Variants in SMURF2 observed in about 807,000 individuals in gnomAD.
SMURF2 encodes E3 ubiquitin-protein ligase SMURF2.
Under a neutral mutation model 109.6 loss-of-function variants are expected in SMURF2, and 48 were observed. The observed-to-expected ratio is 0.44, with a 90% CI of 0.35 to 0.56. The LOEUF is 0.56. Among genes scored for constraint, SMURF2 ranks in the 20% least tolerant of loss-of-function variants. The pLI is 0.01. For synonymous variants in SMURF2, 288 were observed against 317.1 expected (o/e 0.91, Z 0.97); for missense variants, 575 against 909.0 (o/e 0.63, Z 4.72).
chr17:64,608,194 T>C lies in SMURF2; in HGVS notation c.53-1554A>G, dbSNP rs115534418. ...TATTTCTATCCACTTCTACTAACAG[T>C]TTAAATGAATTACAGTTATTGGAAG... On this transcript the variant is annotated intron_variant, in intron 1 of 18. Transcript: ENST00000262435. 7.1e-3 allele frequency among the ~76,000 whole-genome samples: 1,083 copies of C among 152,104 alleles called. 15 individuals carry two copies. The highest frequency in any genetic ancestry group is 0.024 in the African/African-American group (993 of 41,504).
At chr17:64,599,058 C>G (rs565175947) in intron 2 of SMURF2, among the ~76,000 whole-genome samples, 1 of 152,230 alleles carries the variant, frequency 6.6e-6, no homozygotes, top group Non-Finnish European at 1.5e-5. Flanking sequence ...AAAACAAAAC[C>G]AAAAATACCT....
intron 12 of SMURF2, among the ~76,000 whole-genome samples, 200 bp downstream of exon 12, chr17:64,561,300 C>T (rs1329266879): frequency 1.3e-5 from 2 of 152,164 alleles, no homozygotes; most frequent in East Asian, 1.9e-4. Context: ...AGATGGTCTA[C>T]TGGGGAGTTC....
chr17:64,653,020 T>A (rs1970659748), intron 1 of SMURF2, among the ~76,000 whole-genome samples: 1 of 151,082 alleles, frequency 6.6e-6, no homozygotes, highest in African/African-American at 2.4e-5. Context: ...GACTTAGGAC[T>A]CAAAAAACAT....
chr17:64,579,274 T>TG (rs1367168237), intron 8 of SMURF2, among the ~76,000 whole-genome samples: 2 of 151,610 alleles, frequency 1.3e-5, no homozygotes, highest in Non-Finnish European at 2.9e-5. Flanking sequence ...TTCTTTATGG[T>TG]GGGTTTTGTT....
intron 1 of SMURF2, among the ~76,000 whole-genome samples, chr17:64,647,622 G>A (rs540278019): frequency 3.4e-4 from 52 of 151,672 alleles, no homozygotes; most frequent in Admixed American, 6.6e-4. Flanking sequence ...GGGAGGTTGC[G>A]GTGAGCCGAG....
At position 64,543,763 on chromosome 17, in the gene SMURF2, T is replaced by C. The variant is rs1968908760; in HGVS notation, c.*2085A>G. ...CTTTTTTACTGAAAGATTTTAAAAGTAGGCACAATTATAAACTGCACTAGT... is the reference window on the plus strand; with the variant it reads ...CTTTTTTACTGAAAGATTTTAAAAGCAGGCACAATTATAAACTGCACTAGT... On this transcript the variant is annotated 3_prime_UTR_variant, in exon 19 of 19. Transcript: ENST00000262435. 6.6e-6 allele frequency: 1 copy of C among 152,192 alleles called. No individual in the cohort carries two copies. The highest frequency in any genetic ancestry group is 1.5e-5 in the Non-Finnish European group (1 of 68,032). The allele number at this position is 152,192 out of a possible 1,614,324, so 9.4% of individuals were successfully genotyped here.
intron 15 of SMURF2, 100 bp from the exon 16 acceptor site, chr17:64,551,804 A>G (rs1435972262): frequency 1.4e-6 from 2 of 1,435,006 alleles, no homozygotes; most frequent in African/African-American, 2.8e-5. Context: ...TCTTACAAGC[A>G]TCTAACATTA....
intron 1 of SMURF2, among the ~76,000 whole-genome samples, chr17:64,656,023 G>C (rs1298988181): frequency 6.6e-6 from 1 of 152,198 alleles, no homozygotes; most frequent in African/African-American, 2.4e-5. Flanking sequence ...CTACATCACT[G>C]TGGAAAGGAA....
intron 17 of SMURF2, 60 bp from the exon 18 acceptor site, chr17:64,546,398 C>T: frequency 1.4e-6 from 2 of 1,470,754 alleles, no homozygotes; most frequent in South Asian, 2.3e-5. Flanking sequence ...TCTCCAAAAT[C>T]TTAAGAATAA....
intron 1 of SMURF2, among the ~76,000 whole-genome samples, chr17:64,615,464 T>C (rs1353238166): frequency 6.6e-6 from 1 of 152,236 alleles, no homozygotes; most frequent in Non-Finnish European, 1.5e-5. Context: ...GGTGGCCCAG[T>C]GCTTCAGAAG....
At chr17:64,569,300 TA>T (rs369705258) in intron 10 of SMURF2, among the ~76,000 whole-genome samples, 8,338 of 141,456 alleles carry the variant, frequency 0.059, 312 homozygotes, top group Admixed American at 0.14. Flanking sequence ...AAACTCCATC[TA>T]AAAAAAAAAA....
chr17:64,560,022 G>A (rs1969189342), intron 12 of SMURF2, among the ~76,000 whole-genome samples: 1 of 151,628 alleles, frequency 6.6e-6, no homozygotes, highest in South Asian at 2.1e-4. Flanking sequence ...AAAGTGCTGG[G>A]ATTACAGGTG....
intron 1 of SMURF2, among the ~76,000 whole-genome samples, chr17:64,620,983 C>T (rs1467796237): frequency 1.3e-5 from 2 of 152,114 alleles, no homozygotes; most frequent in African/African-American, 4.8e-5. Flanking sequence ...TCTGCGTACC[C>T]ATTCCTTAGG....
intron 3 of SMURF2, among the ~76,000 whole-genome samples, chr17:64,593,793 G>A (rs1969780480): frequency 6.6e-6 from 1 of 151,996 alleles, no homozygotes; most frequent in Non-Finnish European, 1.5e-5. Context: ...TCTCAAGCTG[G>A]GCTATAATTC....
Position 64,551,696 on chromosome 17 carries a change from A to G in SMURF2, c.1757T>C (p.Val586Ala), listed in dbSNP as rs1555683630. Residue 586 changes from valine (V) to alanine (A), a missense_variant, in exon 16 of 19, where the codon GTG becomes GCG. Physicochemically the swap from Val to Ala is moderately conservative, Grantham distance 64. Transcript: ENST00000262435. ...ENKKEYVRLY[V>A]NWRFLRGIEA... ...AATGCCTCGTAAAAATCTCCAGTTCACATAGAGCCTGTAAACATTCGGCAG... is the reference window on the plus strand; with the variant it reads ...AATGCCTCGTAAAAATCTCCAGTTCGCATAGAGCCTGTAAACATTCGGCAG... The G allele has an allele frequency of 6.2e-7, 1 of 1,613,976 alleles. No individual in the cohort carries two copies. The highest frequency in any genetic ancestry group is 2.2e-5 in the East Asian group (1 of 44,852).
At chr17:64,608,001 A>T (rs1236979688) in intron 1 of SMURF2, among the ~76,000 whole-genome samples, 1 of 105,216 alleles carries the variant, frequency 9.5e-6, no homozygotes, top group African/African-American at 4.5e-5. Context: ...TCTGTCATAA[A>T]TAAATAAATA....
chr17:64,559,077 T>C (rs1313743728), intron 12 of SMURF2, among the ~76,000 whole-genome samples: 2 of 152,198 alleles, frequency 1.3e-5, no homozygotes, highest in African/African-American at 4.8e-5. Context: ...ATAAGCAGCC[T>C]TCCCAACATA....
At chr17:64,565,368 G>T (rs1168458095) in intron 10 of SMURF2, among the ~76,000 whole-genome samples, 2 of 152,172 alleles carry the variant, frequency 1.3e-5, no homozygotes, top group Non-Finnish European at 2.9e-5. Flanking sequence ...GGGGGTGCTG[G>T]TCTATCCTTT....
At chr17:64,620,720 T>C (rs551381570) in intron 1 of SMURF2, among the ~76,000 whole-genome samples, 1 of 152,340 alleles carries the variant, frequency 6.6e-6, no homozygotes, top group South Asian at 2.1e-4. Context: ...TTTTGCTTGT[T>C]AAAGTTATTC....
Sources: allele counts gnomAD v4.1 joint callset (sites outside exome capture counted in the v4.1 genomes callset), GRCh38; gene constraint gnomAD v4.1.1; transcripts MANE v1.5; gene names NCBI Gene and HGNC (gene_info 2026-07-23, HGNC 2026-07-21).